Variants in SORCS1 observed in about 807,000 individuals in gnomAD.
SORCS1 encodes sortilin related VPS10 domain containing receptor 1.
Under a neutral mutation model 146.1 loss-of-function variants are expected in SORCS1, and 60 were observed. The observed-to-expected ratio is 0.41, with a 90% confidence interval of 0.33 to 0.51. The LOEUF is 0.51. Ranked by LOEUF, SORCS1 falls within the 20% of genes least tolerant of loss-of-function variation. The pLI, the probability that SORCS1 is intolerant of heterozygous loss-of-function variation, is 0.21. For missense variants in SORCS1, 1,352 were observed against 1,487.6 expected (o/e 0.91, Z 1.50); for synonymous variants, 637 against 584.0 (o/e 1.09, Z -1.31).
intron 19 of SORCS1, among the ~76,000 whole-genome samples, chr10:106,625,762 T>G (rs1307478657): frequency 6.6e-6 from 1 of 151,992 alleles, no homozygotes; most frequent in Non-Finnish European, 1.5e-5. Flanking sequence ...CCACCTTATC[T>G]TTTTTTTGTC....
intron 1 of SORCS1, among the ~76,000 whole-genome samples, chr10:107,142,364 GTTC>G (rs1311828113): frequency 6.6e-6 from 1 of 152,166 alleles, no homozygotes; most frequent in Non-Finnish European, 1.5e-5. Context: ...AACCACAAGT[GTTC>G]TTCTTCCCTA....
chr10:106,836,787 A>G (rs1948810056), intron 2 of SORCS1, among the ~76,000 whole-genome samples: 1 of 152,206 alleles, frequency 6.6e-6, no homozygotes, highest in South Asian at 2.1e-4. Flanking sequence ...TATGAGGAAA[A>G]GAAGGTATAT....
chr10:107,054,928 G>A (rs1434637915), intron 1 of SORCS1, among the ~76,000 whole-genome samples: 2 of 152,126 alleles, frequency 1.3e-5, no homozygotes, highest in African/African-American at 2.4e-5. Context: ...TCATCAATAC[G>A]ACATGCCTAA....
intron 1 of SORCS1, among the ~76,000 whole-genome samples, chr10:106,996,463 T>A (rs147968521): frequency 2.3e-4 from 35 of 152,272 alleles, no homozygotes; most frequent in African/African-American, 7.9e-4. Flanking sequence ...AATGCATATT[T>A]TTCTGCTGAG....
intron 1 of SORCS1, among the ~76,000 whole-genome samples, chr10:107,022,210 C>T (rs1958182022): frequency 6.6e-6 from 1 of 152,096 alleles, no homozygotes; most frequent in South Asian, 2.1e-4. Flanking sequence ...TCTCTTCTCT[C>T]TTCTATTTAG....
intron 9 of SORCS1, among the ~76,000 whole-genome samples, chr10:106,697,322 G>C (rs1276623415): frequency 1.3e-5 from 2 of 151,996 alleles, no homozygotes; most frequent in Non-Finnish European, 2.9e-5. Flanking sequence ...AATTAGCCGG[G>C]CATGGTAGTG....
intron 5 of SORCS1, among the ~76,000 whole-genome samples, chr10:106,732,474 G>A (rs1201918229): frequency 6.6e-6 from 1 of 152,180 alleles, no homozygotes; most frequent in African/African-American, 2.4e-5. Context: ...TGCTTGACAA[G>A]CCTCAATCCA....
chr10:106,620,996 C>G (rs912202455), intron 19 of SORCS1, among the ~76,000 whole-genome samples: 7 of 152,084 alleles, frequency 4.6e-5, no homozygotes, highest in African/African-American at 9.7e-5. Context: ...TATGTCATTA[C>G]CCTTTATTAT....
At chr10:106,686,337 C>A (rs111996478) in intron 10 of SORCS1, among the ~76,000 whole-genome samples, 1 of 152,142 alleles carries the variant, frequency 6.6e-6, no homozygotes, top group Non-Finnish European at 1.5e-5. Context: ...GAATACCTTG[C>A]TAAGTGCTTA....
chr10:106,825,748 G>T (rs1444539857), intron 3 of SORCS1, among the ~76,000 whole-genome samples: 1 of 152,064 alleles, frequency 6.6e-6, no homozygotes. Context: ...GGGGTGGGGG[G>T]AACTGCTCTC....
At chr10:106,827,597 G>C (rs1186035540) in intron 3 of SORCS1, among the ~76,000 whole-genome samples, 1 of 152,162 alleles carries the variant, frequency 6.6e-6, no homozygotes, top group Admixed American at 6.5e-5. Context: ...AATTAAGAGA[G>C]ATTGTAAAAA....
At chr10:107,099,799 C>T (rs1000339704) in intron 1 of SORCS1, among the ~76,000 whole-genome samples, 1 of 152,170 alleles carries the variant, frequency 6.6e-6, no homozygotes, top group African/African-American at 2.4e-5. Context: ...TTAGTGCATA[C>T]GTATTAAGTG....
At chr10:106,644,925 C>T (rs974927579) in intron 18 of SORCS1, among the ~76,000 whole-genome samples, 5 of 152,102 alleles carry the variant, frequency 3.3e-5, no homozygotes, top group Non-Finnish European at 7.4e-5. Context: ...TTTTGCAATG[C>T]ATATTATCTT....
intron 1 of SORCS1, among the ~76,000 whole-genome samples, chr10:107,133,744 T>C (rs570007599): frequency 4.6e-5 from 7 of 152,334 alleles, no homozygotes; most frequent in South Asian, 2.1e-4. Flanking sequence ...GAGACAACTG[T>C]TGCAGTTTTC....
chr10:106,747,436 T>C lies in SORCS1; in HGVS notation c.959+14152A>G, dbSNP rs190552392. 3.4e-3 allele frequency among the ~76,000 whole-genome samples: 519 copies of C among 152,330 alleles called. 2 individuals carry two copies. The highest frequency in any genetic ancestry group is 0.012 in the African/African-American group (486 of 41,588). ...GGGGTCAGATGAGATGTCTTCTAAG[T>C]TATCTTTGATCCTGAGATTCCGATG... On this transcript the variant is annotated intron_variant, in intron 5 of 25. Coordinates refer to ENST00000263054, the MANE Select transcript of SORCS1 (RefSeq NM_052918.5).
intron 3 of SORCS1, among the ~76,000 whole-genome samples, chr10:106,812,297 G>C (rs990115913): frequency 1.4e-4 from 21 of 152,188 alleles, no homozygotes; most frequent in Non-Finnish European, 3.1e-4. Flanking sequence ...ACTGCACCCA[G>C]CCTGGAGTTT....
intron 8 of SORCS1, among the ~76,000 whole-genome samples, chr10:106,701,180 TG>T (rs1854113189): frequency 6.6e-6 from 1 of 152,242 alleles, no homozygotes; most frequent in African/African-American, 2.4e-5. Flanking sequence ...TGTATTACTT[TG>T]TATTTTTTTT....
At chr10:106,781,999 C>G (rs1410600116) in intron 3 of SORCS1, among the ~76,000 whole-genome samples, 1 of 152,172 alleles carries the variant, frequency 6.6e-6, no homozygotes, top group Non-Finnish European at 1.5e-5. Flanking sequence ...ATGACACAAC[C>G]AATTTTCCTA....
At chr10:106,765,336 C>G (rs1859483868) in intron 4 of SORCS1, among the ~76,000 whole-genome samples, 1 of 152,038 alleles carries the variant, frequency 6.6e-6, no homozygotes, top group Non-Finnish European at 1.5e-5. Flanking sequence ...GCTATTAGCA[C>G]TTCTCTCTCT....
Sources: allele counts gnomAD v4.1 joint callset (sites outside exome capture counted in the v4.1 genomes callset), GRCh38; gene constraint gnomAD v4.1.1; transcripts MANE v1.5; gene names NCBI Gene and HGNC (gene_info 2026-07-23, HGNC 2026-07-21).